The following FBXO9 variants were observed in gnomAD, a reference collection of about 807,000 sequenced individuals.
FBXO9 encodes the protein F-box protein 9.
In FBXO9, 43 loss-of-function variants were observed where a neutral mutation model predicts 63.7. The ratio of observed to expected loss-of-function variants is 0.67; its 90% CI spans 0.53 to 0.87. FBXO9 has a LOEUF of 0.87. FBXO9 is among the 40% of genes least tolerant of loss of function. The pLI is 0.00. For missense variants in FBXO9, 442 were observed against 533.2 expected, an observed-to-expected ratio of 0.83 and a Z score of 1.68; for synonymous variants, 156 against 171.7, an observed-to-expected ratio of 0.91 and a Z score of 0.72.
At chr6:53,073,092 T>G (rs1300351254) in intron 2 of FBXO9, among the ~76,000 whole-genome samples, 1 of 152,156 alleles carries the variant, frequency 6.6e-6, no homozygotes, top group Non-Finnish European at 1.5e-5. Flanking sequence ...TTAATAGATT[T>G]TGGGCTTACC....
intron 2 of FBXO9, among the ~76,000 whole-genome samples, chr6:53,072,152 G>A (rs778585782): frequency 1.3e-5 from 2 of 151,582 alleles, no homozygotes; most frequent in Non-Finnish European, 2.9e-5. Context: ...GGTTAAAAGC[G>A]TAGCAACAAA....
intron 9 of FBXO9, chr6:53,093,059 C>T: frequency 2.4e-6 from 1 of 421,100 alleles, no homozygotes; most frequent in East Asian, 3.6e-5. Flanking sequence ...ATTTACTTGC[C>T]TTTTCAAATA....
intron 6 of FBXO9, among the ~76,000 whole-genome samples, chr6:53,082,111 G>A (rs1769336068): frequency 6.6e-6 from 1 of 152,074 alleles, no homozygotes; most frequent in South Asian, 2.1e-4. Flanking sequence ...GTTAAATATT[G>A]TTTGGTTCGG....
rs575063922 is a variant in FBXO9 at position 53,089,649 on chromosome 6, T to G, written c.654-2780T>G. Among the ~76,000 whole-genome samples the G allele has an allele frequency of 2.9e-4, 44 of 152,302 alleles. 1 individual carries two copies. The South Asian group carries it at 8.9e-3, about 31-fold the overall frequency. On this transcript the variant is annotated intron_variant, in intron 7 of 12. Transcript: ENST00000323557. ...TACCCAATCTAAAAAGACACTTTTC[T>G]TTACACCAGAAAGGACTTACCAGGA...
intron 4 of FBXO9, among the ~76,000 whole-genome samples, chr6:53,078,511 A>G (rs1769196916): frequency 6.6e-6 from 1 of 152,248 alleles, no homozygotes; most frequent in Non-Finnish European, 1.5e-5. Context: ...TTCAGAGCCC[A>G]AAGAAAGACA....
At chr6:53,077,134 A>G (rs1015238722) in intron 4 of FBXO9, among the ~76,000 whole-genome samples, 1 of 152,182 alleles carries the variant, frequency 6.6e-6, no homozygotes, top group Non-Finnish European at 1.5e-5. Context: ...TGAGGAAAAA[A>G]TACATGTTTT....
chr6:53,092,620 A>G (rs1484704783), intron 8 of FBXO9, 73 bp downstream of exon 8: 10 of 1,452,622 alleles, frequency 6.9e-6, no homozygotes, highest in Non-Finnish European at 9.6e-6. Flanking sequence ...CGCCGTTTAA[A>G]TTTTCTGTGA....
intron 3 of FBXO9, 22 bp downstream of exon 3, chr6:53,073,661 A>T (rs368555675): frequency 1.7e-4 from 252 of 1,443,060 alleles, no homozygotes; most frequent in Non-Finnish European, 2.2e-4. Flanking sequence ...AGATATTGTA[A>T]CAAATTACAT....
chr6:53,078,065 G>A (rs1376684381), intron 4 of FBXO9, among the ~76,000 whole-genome samples: 3 of 152,014 alleles, frequency 2.0e-5, no homozygotes, highest in African/African-American at 7.2e-5. Context: ...TAAATTTAAA[G>A]GATAATTTAA....
intron 1 of FBXO9, among the ~76,000 whole-genome samples, chr6:53,069,489 C>T (rs535120786): frequency 6.6e-6 from 1 of 152,284 alleles, no homozygotes; most frequent in East Asian, 1.9e-4. Context: ...ATTTCTCCTC[C>T]TGATGGAAAA....
In FBXO9 at chr6:53,097,767, G is replaced by A. The variant is rs760126039; in HGVS notation, c.1251G>A (p.Met417Ile). ...TAVSAFEIDK[M>I]YTPLFFARVR... ...TCAGTGCTTTTGAGATTGACAAGATGTACACCCCCTTGTTCTTCGCCAGAG... is the reference window on the plus strand; with the variant it reads ...TCAGTGCTTTTGAGATTGACAAGATATACACCCCCTTGTTCTTCGCCAGAG... Residue 417 changes from methionine to isoleucine, a missense_variant, in exon 13 of 13, where the codon ATG becomes ATA. By Grantham distance (10) the Met-to-Ile change is conservative (BLOSUM62 1). Around this residue, in one of 2 missense-constraint regions of FBXO9, gnomAD observed 262 missense variants for 362.1 expected, o/e 0.72. Coordinates refer to ENST00000323557, the MANE Select transcript of FBXO9 (RefSeq NM_033480.3). 1 of 1,607,492 alleles carries A rather than the reference G, an allele frequency of 6.2e-7. No homozygotes were observed. The highest frequency in any genetic ancestry group is 8.5e-7 in the Non-Finnish European group (1 of 1,176,586).
At chr6:53,092,980 A>G in intron 9 of FBXO9, 156 bp downstream of exon 9, 1 of 459,716 alleles carries the variant, frequency 2.2e-6, no homozygotes, top group Non-Finnish European at 3.8e-6. Flanking sequence ...AAAAAAAAAT[A>G]GGCTAATATA....
intron 7 of FBXO9, among the ~76,000 whole-genome samples, chr6:53,083,628 G>A (rs947899996): frequency 2.0e-5 from 3 of 152,198 alleles, no homozygotes; most frequent in African/African-American, 7.2e-5. Context: ...TGTCCTTGCA[G>A]CAAAAATATT....
rs761159029 is a variant in FBXO9, at chr6:53,075,734, A to ATTTTTTTTTTTTTTTTTTTTTTTTTTT, written c.250-750_250-749insTTTTTTTTTTTTTTTTTTTTTTTTTTT. Reference sequence around the variant, plus strand: ...TAATTGGATTACATATATATATATAATTATTTTTTTTTTTTTTTTTTTTTT... The same window carrying ATTTTTTTTTTTTTTTTTTTTTTTTTTT: ...TAATTGGATTACATATATATATATAATTTTTTTTTTTTTTTTTTTTTTTTTTTTTATTTTTTTTTTTTTTTTTTTTTT... On this transcript the variant is annotated intron_variant, in intron 3 of 12. Coordinates refer to ENST00000323557, the MANE Select transcript of FBXO9 (RefSeq NM_033480.3). Among the ~76,000 whole-genome samples, 4 of 82,180 alleles carry ATTTTTTTTTTTTTTTTTTTTTTTTTTT rather than the reference A, an allele frequency of 4.9e-5. 1 individual carries two copies. Among genetic ancestry groups the ATTTTTTTTTTTTTTTTTTTTTTTTTTT allele is most frequent in the African/African-American group, 1.0e-4 (2 of 19,318 alleles). 53.9% of individuals were successfully genotyped at this position (82,180 alleles called of 152,430 possible).
chr6:53,069,860 T>G (rs1768845294), intron 1 of FBXO9, among the ~76,000 whole-genome samples: 1 of 152,096 alleles, frequency 6.6e-6, no homozygotes, highest in African/African-American at 2.4e-5. Context: ...CATTGATAAT[T>G]ATTGAAGTTG....
rs1298788389 is a variant in FBXO9 at position 53,078,915 on chromosome 6, A to G, written c.407+17A>G. On this transcript the variant is annotated intron_variant, in intron 5 of 12. Coordinates refer to ENST00000323557, the MANE Select transcript of FBXO9 (RefSeq NM_033480.3). ...AAACAGCTAGTGCGTATATAATTTGATAGATAGTAATGCATAGAGTTTGTT... is the reference window on the plus strand; with the variant it reads ...AAACAGCTAGTGCGTATATAATTTGGTAGATAGTAATGCATAGAGTTTGTT... 2 of 1,555,578 alleles carry G rather than the reference A, an allele frequency of 1.3e-6. No homozygotes were observed. The highest frequency in any genetic ancestry group is 1.8e-6 in the Non-Finnish European group (2 of 1,126,772).
At position 53,098,143 on chromosome 6, in the gene FBXO9, A is replaced by G. The variant is rs557384777; in HGVS notation, c.*313A>G. 51 of 382,632 alleles carry G rather than the reference A, an allele frequency of 1.3e-4. No homozygotes were observed. Among genetic ancestry groups the G allele is most frequent in the South Asian group, 7.3e-4 (37 of 50,626 alleles). The allele number at this position is 382,632 out of a possible 1,614,324, so 23.7% of individuals were successfully genotyped here. ...GAGAAACCTTAATATGAGGTTTATC[A>G]TGCCCTTTTTCAAGCAGATTTATGA... On this transcript the variant is annotated 3_prime_UTR_variant, in exon 13 of 13. Transcript: ENST00000323557.
At position 53,084,777 on chromosome 6, in the gene FBXO9, GT is replaced by G. The variant is rs544886737; in HGVS notation, c.653+2169del. Among the ~76,000 whole-genome samples the G allele has an allele frequency of 8.1e-4, 120 of 149,066 alleles. 3 individuals carry two copies. In the South Asian group the frequency reaches 9.0e-3, roughly 11 times the overall value. On this transcript the variant is annotated intron_variant, in intron 7 of 12. Transcript: ENST00000323557. Reference sequence around the variant, plus strand: ...TGTGGATAACAACAGGTGTATTGCAGTTTTTTTTTTAAGAAACGTTTTTTTC... The same window carrying G: ...TGTGGATAACAACAGGTGTATTGCAGTTTTTTTTTAAGAAACGTTTTTTTC...
In FBXO9 at chr6:53,080,287, G is replaced by A. The variant is rs145343038; in HGVS notation, c.408-681G>A. On this transcript the variant is annotated intron_variant, in intron 5 of 12. Transcript: ENST00000323557. ...CTTATATTTTGTTGTATTACAAAAT[G>A]CCCTTCCTGGTTTTTTTTTTTGTTT... Among the ~76,000 whole-genome samples the A allele has an allele frequency of 7.1e-3, 1,065 of 150,044 alleles. 13 individuals are homozygous for A. Among genetic ancestry groups the A allele is most frequent in the African/African-American group, 0.024 (977 of 40,750 alleles).
Sources: gnomAD v4.1 joint callset for allele counts (sites outside exome capture counted in the v4.1 genomes callset) on GRCh38, gnomAD v4.1.1 for gene constraint, gnomAD v4.1.1 regional missense constraint, MANE v1.5 for transcripts, NCBI Gene and HGNC (gene_info 2026-07-23, HGNC 2026-07-21) for gene names.